METAP2: variants seen among roughly 807,000 people sequenced by gnomAD.
The protein encoded by METAP2 is methionine aminopeptidase 2.
Under a neutral mutation model 59.4 loss-of-function variants are expected in METAP2, and 25 were observed. The observed-to-expected ratio is 0.42, with a 90% confidence interval of 0.31 to 0.59. The LOEUF (loss-of-function observed/expected upper bound fraction) is 0.59. Among genes scored for constraint, METAP2 ranks in the 20% least tolerant of loss-of-function variants. The pLI is 0.16. For synonymous variants in METAP2, 214 were observed against 194.1 expected (o/e 1.10, Z -0.85); for missense variants, 366 against 581.2 (o/e 0.63, Z 3.81).
At chr12:95,500,367 C>T (rs1217984694) in intron 7 of METAP2, among the ~76,000 whole-genome samples, 2 of 152,146 alleles carry the variant, frequency 1.3e-5, no homozygotes, top group African/African-American at 4.8e-5. Flanking sequence ...AGTTTTACTT[C>T]CATCCCAATT....
intron 8 of METAP2, among the ~76,000 whole-genome samples, chr12:95,509,062 G>A (rs2076382638): frequency 6.6e-6 from 1 of 152,156 alleles, no homozygotes; most frequent in South Asian, 2.1e-4. Flanking sequence ...TGATCAGGAA[G>A]CAATAGAATT....
chr12:95,493,994 T>C, intron 4 of METAP2, 62 bp from the exon 5 acceptor site: 1 of 1,387,114 alleles, frequency 7.2e-7, no homozygotes, highest in East Asian at 2.3e-5. Flanking sequence ...TTAGTATAGT[T>C]GTCAGCTTTT....
At chr12:95,501,969 T>A (rs556338741) in intron 7 of METAP2, among the ~76,000 whole-genome samples, 43 of 151,404 alleles carry the variant, frequency 2.8e-4, no homozygotes, top group Non-Finnish European at 5.6e-4. Context: ...GAATCTTAAT[T>A]TCCCCCTCAC....
chr12:95,490,477 T>C (rs2076229599), intron 4 of METAP2, among the ~76,000 whole-genome samples: 1 of 151,766 alleles, frequency 6.6e-6, no homozygotes, highest in Non-Finnish European at 1.5e-5. Flanking sequence ...AGTTTTTTCC[T>C]CTTGTAATTA....
chr12:95,476,056 T>G lies in METAP2; in HGVS notation c.152-15T>G. ...TCTGTATTAGATTTGATTTCTGCTA[T>G]TTTATTTTGATCAGCAGGGGAACAG... On this transcript the variant is annotated splice_polypyrimidine_tract_variant and intron_variant, in intron 1 of 10. Coordinates refer to ENST00000323666, the MANE Select transcript of METAP2 (RefSeq NM_006838.4). The G allele has an allele frequency of 6.6e-7, 1 of 1,519,724 alleles. No individual in the cohort carries two copies. Among genetic ancestry groups the G allele is most frequent in the Non-Finnish European group, 9.0e-7 (1 of 1,105,798 alleles). 94.1% of individuals were successfully genotyped at this position (1,519,724 alleles called of 1,614,324 possible). A position where few individuals can be genotyped will look rare whatever the true frequency, so the allele number is the denominator to read the frequency against.
At chr12:95,513,334 T>C (rs2076418493) in intron 10 of METAP2, among the ~76,000 whole-genome samples, 1 of 152,196 alleles carries the variant, frequency 6.6e-6, no homozygotes, top group South Asian at 2.1e-4. Context: ...TTGAGCTTGC[T>C]GCACACAAAA....
At chr12:95,475,997 C>G in intron 1 of METAP2, 74 bp from the exon 2 acceptor site, 1 of 837,098 alleles carries the variant, frequency 1.2e-6, no homozygotes. Context: ...GTAAGTTTTC[C>G]AAGATCATTA....
chr12:95,481,472 A>G (rs1249977639), intron 2 of METAP2, among the ~76,000 whole-genome samples: 1 of 152,182 alleles, frequency 6.6e-6, no homozygotes, highest in Non-Finnish European at 1.5e-5. Flanking sequence ...ACTGTGAAGA[A>G]AAGACATGTA....
chr12:95,494,277 T>C (rs2076261353), intron 5 of METAP2, 60 bp downstream of exon 5: 5 of 1,468,528 alleles, frequency 3.4e-6, no homozygotes, highest in Non-Finnish European at 4.6e-6. Flanking sequence ...GTACTAACTC[T>C]CCAATTATAA....
chr12:95,504,581 CAACCTCCCAGGCTTAGGCTTAAGCG>C (rs1348256895), intron 8 of METAP2, among the ~76,000 whole-genome samples: 1 of 152,254 alleles, frequency 6.6e-6, no homozygotes, highest in Admixed American at 6.5e-5. Flanking sequence ...ACTGTAGTTT[CAACCTCCCAGGCTTAGGCTTAAGCG>C]ATCCTCCCAC....
chr12:95,507,995 C>T (rs1363719636), intron 8 of METAP2, among the ~76,000 whole-genome samples: 1 of 145,674 alleles, frequency 6.9e-6, no homozygotes, highest in Non-Finnish European at 1.5e-5. Context: ...GTTGGTCAGG[C>T]GGTCTTGAAC....
Position 95,485,989 on chromosome 12 carries a change from T to C in METAP2, c.428+8T>C. On this transcript the variant is annotated splice_region_variant and intron_variant, in intron 4 of 10. Transcript: ENST00000323666. ...CCCACCCACACAAGATGGGTAAGGA[T>C]CATCAAATCACTTCCAGTTTAATTT... is the stretch of plus-strand genomic sequence containing the variant. 2 of 1,519,188 alleles carry C rather than the reference T, an allele frequency of 1.3e-6. No individual in the cohort carries two copies. 94.1% of individuals were successfully genotyped at this position (1,519,188 alleles called of 1,614,324 possible). A position where few individuals can be genotyped will look rare whatever the true frequency, so the allele number is the denominator to read the frequency against.
intron 8 of METAP2, among the ~76,000 whole-genome samples, chr12:95,509,843 CA>C (rs150312694): frequency 0.07 from 10,375 of 147,722 alleles, 551 homozygotes; most frequent in African/African-American, 0.12. Flanking sequence ...ACCTCCCCCC[CA>C]ACCTTTTTTT....
In METAP2 at chr12:95,481,246, A is replaced by G. The variant is rs113995993; in HGVS notation, c.260-1969A>G. Among the ~76,000 whole-genome samples the G allele has an allele frequency of 5.6e-3, 846 of 152,274 alleles. 2 individuals carry two copies. The highest frequency in any genetic ancestry group is 0.014 in the African/African-American group (571 of 41,568). On this transcript the variant is annotated intron_variant, in intron 2 of 10. Transcript: ENST00000323666. ...TGGGCAACTTAGACCTTGTCTCTGC[A>G]AAAGATTAAAAAACATTAGCCAGGT...
Position 95,512,925 on chromosome 12 carries a change from C to G in METAP2, c.1184+9C>G, listed in dbSNP as rs754497638. The G allele has an allele frequency of 2.0e-6, 3 of 1,499,024 alleles. No homozygotes were observed. The highest frequency in any genetic ancestry group is 2.8e-6 in the Non-Finnish European group (3 of 1,078,882). The allele number at this position is 1,499,024 out of a possible 1,614,324, so 92.9% of individuals were successfully genotyped here. A position where few individuals can be genotyped will look rare whatever the true frequency, so the allele number is the denominator to read the frequency against. ...GGACATGTGCCAATAAGGTGAGAGA[C>G]GAGACGATTGATTTTATGTGGCTAA... On this transcript the variant is annotated intron_variant, in intron 10 of 10. Coordinates refer to ENST00000323666, the MANE Select transcript of METAP2 (RefSeq NM_006838.4).
intron 7 of METAP2, 122 bp downstream of exon 7, chr12:95,496,220 A>G: frequency 3.5e-6 from 2 of 570,428 alleles, no homozygotes; most frequent in Non-Finnish European, 6.1e-6. Context: ...ATTAAGAGGA[A>G]TAAAATTGAT....
chr12:95,512,705 T>C (rs2076412393), intron 9 of METAP2, 96 bp from the exon 10 acceptor site: 2 of 695,090 alleles, frequency 2.9e-6, no homozygotes, highest in African/African-American at 1.8e-5. Flanking sequence ...AGAGAGACTC[T>C]GTCTCAAAAA....
intron 7 of METAP2, among the ~76,000 whole-genome samples, chr12:95,496,441 A>G (rs1034757834): frequency 6.6e-6 from 1 of 152,028 alleles, no homozygotes; most frequent in Middle Eastern, 3.2e-3. Context: ...AAGTACAGAG[A>G]TTTCCCTTAT....
chr12:95,508,288 G>C (rs2076377401), intron 8 of METAP2, among the ~76,000 whole-genome samples: 1 of 152,050 alleles, frequency 6.6e-6, no homozygotes, highest in African/African-American at 2.4e-5. Context: ...GCTTTTCTTT[G>C]GAAAATGTTT....
Sources: allele counts gnomAD v4.1 joint callset (sites outside exome capture counted in the v4.1 genomes callset), GRCh38; gene constraint gnomAD v4.1.1; transcripts MANE v1.5; gene names NCBI Gene and HGNC (gene_info 2026-07-23, HGNC 2026-07-21).